The following MAP3K20 variants were observed in gnomAD, a reference collection of about 807,000 sequenced individuals.
MAP3K20 encodes HCCS-4.
MAP3K20 carries 40 observed loss-of-function variants against 85.7 expected under a neutral mutation model. That is an observed-to-expected ratio of 0.47 (90% CI 0.36 to 0.61). The LOEUF is 0.61. Among genes scored for constraint, MAP3K20 ranks in the 20% least tolerant of loss-of-function variants. The pLI is 0.00. For missense variants in MAP3K20, 817 were observed against 961.7 expected, an observed-to-expected ratio of 0.85 and a Z score of 1.99; for synonymous variants, 325 against 327.7, an observed-to-expected ratio of 0.99 and a Z score of 0.09.
At chr2:173,179,704 GCACACACACACACACA>G (rs71018541) in intron 3 of MAP3K20, among the ~76,000 whole-genome samples, 2 of 146,080 alleles carry the variant, frequency 1.4e-5, no homozygotes, top group Non-Finnish European at 3.0e-5. Flanking sequence ...TAAGGAATGC[GCACACACACACACACA>G]CACACACACA....
chr2:173,159,038 A>G (rs1689563023), intron 2 of MAP3K20, among the ~76,000 whole-genome samples: 1 of 152,216 alleles, frequency 6.6e-6, no homozygotes, highest in African/African-American at 2.4e-5. Flanking sequence ...TTGTGCAATC[A>G]AGTCATTTTG....
At position 173,182,866 on chromosome 2, in the gene MAP3K20, T is replaced by TG; in HGVS notation, c.263dup (p.Ser89IlefsTer4). The TG allele has an allele frequency of 6.3e-7, 1 of 1,596,380 alleles. No homozygotes were observed. The highest frequency in any genetic ancestry group is 8.5e-7 in the Non-Finnish European group (1 of 1,173,418). Reference sequence around the variant, plus strand: ...CCTTTTAAAATAGAATATGCTTCTCTGGGATCACTCTATGATTACATTAAC... The same window carrying TG: ...CCTTTTAAAATAGAATATGCTTCTCTGGGGATCACTCTATGATTACATTAAC... On this transcript the variant is annotated frameshift_variant, in exon 4 of 20. Transcript: ENST00000375213. LOFTEE classifies it high-confidence loss of function.
intron 4 of MAP3K20, among the ~76,000 whole-genome samples, chr2:173,186,633 T>G (rs970223331): frequency 6.6e-6 from 1 of 152,176 alleles, no homozygotes; most frequent in African/African-American, 2.4e-5. Flanking sequence ...AATGCATTGT[T>G]CATTTTAAAA....
In MAP3K20 at chr2:173,091,527, G is replaced by A. The variant is rs113132813; in HGVS notation, c.159+337G>A. Among the ~76,000 whole-genome samples the A allele has an allele frequency of 1.0e-2, 1,520 of 152,156 alleles. 13 individuals are homozygous for A. The highest frequency in any genetic ancestry group is 0.015 in the Non-Finnish European group (1,047 of 68,000). On this transcript the variant is annotated intron_variant, in intron 2 of 19. Transcript: ENST00000375213. ...TTCTCTTCCCTGGGCAGCCAAGAGG[G>A]GTCGGTAAAGAGTAATGTGTGAAGT...
intron 16 of MAP3K20, among the ~76,000 whole-genome samples, chr2:173,250,777 T>A (rs1158443016): frequency 2.0e-5 from 3 of 152,158 alleles, no homozygotes; most frequent in African/African-American, 7.2e-5. Context: ...AGGTTATTAA[T>A]GGAATTTTTA....
At chr2:173,183,595 A>C (rs1312458641) in intron 4 of MAP3K20, among the ~76,000 whole-genome samples, 4 of 151,622 alleles carry the variant, frequency 2.6e-5, no homozygotes, top group Non-Finnish European at 5.9e-5. Context: ...ATTTATTTTT[A>C]TCTTTTTTTT....
At chr2:173,119,437 T>C (rs971834965) in intron 2 of MAP3K20, among the ~76,000 whole-genome samples, 32 of 152,218 alleles carry the variant, frequency 2.1e-4, no homozygotes, top group African/African-American at 7.5e-4. Flanking sequence ...CTGGCCATCA[T>C]GGCCACTGGA....
chr2:173,076,387 A>G (rs1335296764), intron 1 of MAP3K20, among the ~76,000 whole-genome samples: 9 of 152,076 alleles, frequency 5.9e-5, no homozygotes, highest in African/African-American at 1.9e-4. Context: ...CTCCGCGAGC[A>G]GCAGAGCCGG....
At chr2:173,226,860 GTTT>G (rs1331665452) in intron 11 of MAP3K20, 1 of 984,376 alleles carries the variant, frequency 1.0e-6, no homozygotes, top group African/African-American at 1.8e-5. Flanking sequence ...TCACTTTATT[GTTT>G]TTTTAACAAA....
chr2:173,170,951 A>G (rs1168368292), intron 3 of MAP3K20, among the ~76,000 whole-genome samples: 1 of 152,198 alleles, frequency 6.6e-6, no homozygotes, highest in Non-Finnish European at 1.5e-5. Flanking sequence ...TCAGAGAGAC[A>G]TGGTTACTGT....
chr2:173,208,846 G>A (rs1054766503), intron 9 of MAP3K20, among the ~76,000 whole-genome samples: 2 of 152,212 alleles, frequency 1.3e-5, no homozygotes, highest in Non-Finnish European at 2.9e-5. Context: ...AAGAGAGAAT[G>A]TGCATCATCC....
intron 2 of MAP3K20, among the ~76,000 whole-genome samples, chr2:173,092,814 T>A (rs938245723): frequency 1.3e-5 from 2 of 152,170 alleles, no homozygotes; most frequent in African/African-American, 2.4e-5. Flanking sequence ...ACCTACATAA[T>A]ACCTTTTCTT....
chr2:173,221,504 GATA>G (rs1453602117), intron 11 of MAP3K20: 6 of 1,596,454 alleles, frequency 3.8e-6, no homozygotes, highest in Non-Finnish European at 5.1e-6. Context: ...TGAGGAGGAG[GATA>G]ATGACATGGA....
intron 2 of MAP3K20, among the ~76,000 whole-genome samples, chr2:173,164,664 G>A (rs1348239812): frequency 6.6e-6 from 1 of 152,102 alleles, no homozygotes; most frequent in Non-Finnish European, 1.5e-5. Context: ...TTGGGATTAG[G>A]TTGAAAAAAA....
At chr2:173,188,126 G>A (rs568947883) in intron 5 of MAP3K20, among the ~76,000 whole-genome samples, 1 of 150,270 alleles carries the variant, frequency 6.7e-6, no homozygotes, top group South Asian at 2.1e-4. Context: ...TGAGCCACAT[G>A]ATTGGAAGTT....
intron 16 of MAP3K20, among the ~76,000 whole-genome samples, chr2:173,244,977 T>C (rs540623150): frequency 6.6e-6 from 1 of 152,200 alleles, no homozygotes; most frequent in African/African-American, 2.4e-5. Context: ...GGAGTTTGCA[T>C]AGCAGAGGCA....
At chr2:173,210,206 A>G (rs1683839808) in intron 10 of MAP3K20, 1 of 218,500 alleles carries the variant, frequency 4.6e-6, no homozygotes, top group African/African-American at 2.3e-5. Context: ...ACAAAAAATT[A>G]GCCAGGTGTG....
intron 11 of MAP3K20, among the ~76,000 whole-genome samples, chr2:173,229,378 T>C (rs1358183399): frequency 1.3e-5 from 2 of 152,186 alleles, no homozygotes; most frequent in Non-Finnish European, 2.9e-5. Flanking sequence ...AGACTCTAGG[T>C]CTCTGAGAAA....
At chr2:173,225,029 T>C in intron 11 of MAP3K20, 1 of 984,164 alleles carries the variant, frequency 1.0e-6, no homozygotes, top group Non-Finnish European at 1.2e-6. Flanking sequence ...TAATTGAATC[T>C]CTCAGTTGTG....
Sources: allele counts gnomAD v4.1 joint callset (sites outside exome capture counted in the v4.1 genomes callset), GRCh38; gene constraint gnomAD v4.1.1; transcripts MANE v1.5; gene names NCBI Gene and HGNC (gene_info 2026-07-23, HGNC 2026-07-21).